TIAM2: variants seen among roughly 807,000 people sequenced by gnomAD.
The protein encoded by TIAM2 is rho guanine nucleotide exchange factor TIAM2.
In TIAM2, 80 loss-of-function variants were observed where a neutral mutation model predicts 152.9. The ratio of observed to expected loss-of-function variants is 0.52; its 90% CI spans 0.44 to 0.63. TIAM2 has a LOEUF of 0.63. Among genes scored for constraint, TIAM2 ranks in the 30% least tolerant of loss-of-function variants. The pLI is 0.00. For missense variants in TIAM2, 1,965 were observed against 2,120.1 expected (o/e 0.93, Z 1.44); for synonymous variants, 804 against 838.0 (o/e 0.96, Z 0.70).
intron 14 of TIAM2, 84 bp downstream of exon 14, chr6:155,183,584 AT>A: frequency 1.4e-6 from 2 of 1,476,186 alleles, no homozygotes; most frequent in Non-Finnish European, 1.8e-6. Flanking sequence ...GCAAACTCAG[AT>A]TATTTAAGCT....
intron 15 of TIAM2, chr6:155,216,740 G>A: frequency 3.9e-6 from 1 of 255,216 alleles, no homozygotes; most frequent in Non-Finnish European, 7.1e-6. Context: ...CACTCCACCT[G>A]CTGAGCTGGC....
chr6:155,179,420 G>C lies in TIAM2; in HGVS notation c.2671G>C (p.Val891Leu). The C allele has an allele frequency of 1.9e-6, 3 of 1,613,624 alleles. No individual in the cohort carries two copies. The South Asian group carries it at 3.3e-5, about 18-fold the overall frequency. ...AGTCTTTCCACTAAATGTTTATGAC[G>C]TGCAGCTCACGAAGACTGGGAGTGT... ...IEVFPLNVYD[V>L]QLTKTGSVCD... The change falls in exon 12 of 27, where the codon GTG (valine) becomes CTG (leucine). Residue 891 changes from valine (V) to leucine (L), a missense_variant. Val to Leu is a conservative substitution (Grantham distance 32). This residue lies in a region of TIAM2 where 1,025 missense variants were observed against 1,119.4 expected (regional missense o/e 0.92). Coordinates refer to ENST00000682666, the MANE Select transcript of TIAM2 (RefSeq NM_012454.4).
At chr6:155,120,595 A>T (rs554659528) in intron 2 of TIAM2, among the ~76,000 whole-genome samples, 3 of 152,160 alleles carry the variant, frequency 2.0e-5, no homozygotes, top group African/African-American at 7.2e-5. Context: ...GTAGAGGTGA[A>T]TGCTTTTGTT....
intron 14 of TIAM2, among the ~76,000 whole-genome samples, chr6:155,203,904 A>G (rs1311512630): frequency 6.6e-6 from 1 of 152,090 alleles, no homozygotes. Context: ...ATTCTCTTAG[A>G]GGTAAAGTTG....
chr6:155,161,303 C>A (rs1183785092), intron 7 of TIAM2, among the ~76,000 whole-genome samples: 1 of 152,150 alleles, frequency 6.6e-6, no homozygotes, highest in Non-Finnish European at 1.5e-5. Context: ...CCTCCCAACT[C>A]AGCCTCTCAA....
intron 2 of TIAM2, among the ~76,000 whole-genome samples, chr6:155,120,224 C>T (rs184931161): frequency 1.3e-5 from 2 of 152,318 alleles, no homozygotes; most frequent in Admixed American, 6.5e-5. Context: ...CATTCCTTGC[C>T]GCAGATGGGT....
Position 155,256,536 on chromosome 6 carries a change from C to T in TIAM2, c.4521C>T (p.Thr1507=), listed in dbSNP as rs200709210. The change falls in exon 27 of 27, where the codon ACC becomes ACT. Residue 1507 remains threonine, a synonymous_variant. Transcript: ENST00000682666. ...VLKNSSSNEW[T]GETGKGTLLD... ...AGAATTCCTCCAGCAACGAGTGGAC[C>T]GGTGAGACTGGCAAGGGAACCTTGC... is the stretch of plus-strand genomic sequence containing the variant. The T allele has an allele frequency of 6.3e-5, 101 of 1,614,068 alleles. No individual in the cohort carries two copies. Among genetic ancestry groups the T allele is most frequent in the South Asian group, 1.3e-4 (12 of 91,082 alleles).
intron 1 of TIAM2, among the ~76,000 whole-genome samples, chr6:155,038,827 G>A: frequency 6.6e-6 from 1 of 152,042 alleles, no homozygotes; most frequent in East Asian, 1.9e-4. Flanking sequence ...AGCAACTCAG[G>A]AGTCTGAGTT....
chr6:155,142,971 G>A (rs1484113216), intron 5 of TIAM2, among the ~76,000 whole-genome samples: 1 of 152,202 alleles, frequency 6.6e-6, no homozygotes, highest in Non-Finnish European at 1.5e-5. Context: ...TGGAAAGACT[G>A]AAATAGTTTT....
At chr6:155,173,443 A>G (rs1780683715) in intron 9 of TIAM2, among the ~76,000 whole-genome samples, 1 of 152,136 alleles carries the variant, frequency 6.6e-6, no homozygotes, top group Non-Finnish European at 1.5e-5. Flanking sequence ...CCATCCTTCC[A>G]TCTATCTGCA....
chr6:155,007,389 C>CTT (rs35138795), intron 1 of TIAM2, among the ~76,000 whole-genome samples: 60 of 143,806 alleles, frequency 4.2e-4, no homozygotes, highest in East Asian at 1.2e-3. Context: ...TTCTTTCTTT[C>CTT]TTTTTTTTTT....
At chr6:155,121,776 C>G (rs548250934) in intron 2 of TIAM2, 1 of 152,242 alleles carries the variant, frequency 6.6e-6, no homozygotes, top group Non-Finnish European at 1.5e-5. Context: ...GTAGCACTTG[C>G]GCTTCCTCTC....
intron 1 of TIAM2, among the ~76,000 whole-genome samples, chr6:155,049,839 A>C (rs1180163625): frequency 6.6e-6 from 1 of 152,132 alleles, no homozygotes; most frequent in Non-Finnish European, 1.5e-5. Context: ...ATAGGCAAAA[A>C]TGTATCTGAA....
At chr6:154,999,225 T>TAATTAA (rs397730120) in intron 1 of TIAM2, among the ~76,000 whole-genome samples, 1 of 145,038 alleles carries the variant, frequency 6.9e-6, no homozygotes. Context: ...ATTAATTAAT[T>TAATTAA]TTTTTGAGAC....
At chr6:155,217,884 G>T (rs771253549) in intron 15 of TIAM2, among the ~76,000 whole-genome samples, 1 of 152,178 alleles carries the variant, frequency 6.6e-6, no homozygotes, top group African/African-American at 2.4e-5. Flanking sequence ...AGTGTACAGC[G>T]TGAACAAAAC....
chr6:155,195,089 T>C (rs1781307119), intron 14 of TIAM2, among the ~76,000 whole-genome samples: 1 of 152,246 alleles, frequency 6.6e-6, no homozygotes, highest in Non-Finnish European at 1.5e-5. Flanking sequence ...GTCTCAGGTA[T>C]GTCTTTATTA....
intron 1 of TIAM2, among the ~76,000 whole-genome samples, chr6:155,009,772 C>G (rs1479874348): frequency 6.6e-6 from 1 of 152,162 alleles, no homozygotes; most frequent in Non-Finnish European, 1.5e-5. Flanking sequence ...TCTGAAGGAC[C>G]TAATACAGTT....
At chr6:155,250,496 C>G in intron 21 of TIAM2, 5 of 1,499,596 alleles carry the variant, frequency 3.3e-6, no homozygotes, top group Non-Finnish European at 9.0e-7. Flanking sequence ...GGAGATCAGT[C>G]CTTCACTCTG....
chr6:155,074,853 CAAAAAA>C (rs71023618), intron 1 of TIAM2, among the ~76,000 whole-genome samples: 1 of 37,664 alleles, frequency 2.7e-5, no homozygotes, highest in African/African-American at 9.9e-5. Flanking sequence ...GACTCTGTCT[CAAAAAA>C]AAAAAAAAAA....
Sources: allele counts gnomAD v4.1 joint callset (sites outside exome capture counted in the v4.1 genomes callset), GRCh38; gene constraint gnomAD v4.1.1; regional missense constraint gnomAD v4.1.1; transcripts MANE v1.5; gene names NCBI Gene and HGNC (gene_info 2026-07-23, HGNC 2026-07-21).